Variants in BANK1 observed in about 807,000 individuals in gnomAD.
BANK1 encodes the protein B cell scaffold protein with ankyrin repeats 1, also known as B-cell scaffold protein with ankyrin repeats.
A neutral mutation model predicts 94.5 loss-of-function variants in BANK1; 95 were observed. That is an observed-to-expected ratio of 1.00 (90% CI 0.85 to 1.19). The LOEUF (loss-of-function observed/expected upper bound fraction) is 1.19. Ranked by LOEUF, BANK1 falls within the 50% of genes most tolerant of loss-of-function variation. The pLI, the probability that BANK1 is intolerant of heterozygous loss-of-function variation, is 0.00. For missense variants in BANK1, 987 were observed against 932.2 expected (o/e 1.06, Z -0.77); for synonymous variants, 334 against 308.4 (o/e 1.08, Z -0.87).
intron 5 of BANK1, among the ~76,000 whole-genome samples, chr4:101,881,103 A>G (rs192219575): frequency 9.3e-4 from 142 of 152,298 alleles, no homozygotes; most frequent in African/African-American, 3.3e-3. Context: ...GTTTCTGCAC[A>G]GCAAAGGAAA....
chr4:102,021,450 C>T (rs949366458), intron 7 of BANK1, 64 bp from the exon 8 acceptor site: 4 of 592,504 alleles, frequency 6.8e-6, no homozygotes, highest in Non-Finnish European at 1.1e-5. Context: ...TTCTTATTTG[C>T]ACAGGCATCC....
At chr4:101,980,912 A>G (rs1278707352) in intron 7 of BANK1, among the ~76,000 whole-genome samples, 1 of 152,060 alleles carries the variant, frequency 6.6e-6, no homozygotes, top group African/African-American at 2.4e-5. Flanking sequence ...CAAGGCTATT[A>G]ATTTAAGTGT....
chr4:101,794,260 C>T (rs1188572106), intron 1 of BANK1, among the ~76,000 whole-genome samples: 2 of 151,796 alleles, frequency 1.3e-5, no homozygotes, highest in African/African-American at 4.8e-5. Context: ...AAAAAATAAG[C>T]ATCAAACAGA....
At chr4:101,993,256 A>C (rs1435881503) in intron 7 of BANK1, among the ~76,000 whole-genome samples, 3 of 152,184 alleles carry the variant, frequency 2.0e-5, no homozygotes, top group Middle Eastern at 3.2e-3. Context: ...GAGGCCTAAA[A>C]CAGCTGGAAA....
intron 2 of BANK1, among the ~76,000 whole-genome samples, chr4:101,841,484 A>C (rs1727041582): frequency 6.6e-6 from 1 of 152,174 alleles, no homozygotes; most frequent in Admixed American, 6.5e-5. Context: ...TATGGCCCAG[A>C]GATGATATAT....
rs753194099 is a variant in BANK1, at chr4:101,790,930, C to A, written c.50C>A (p.Pro17His). 7.8e-6 allele frequency: 12 copies of A among 1,530,478 alleles called. No homozygotes were observed. The South Asian group carries it at 1.4e-4, about 18-fold the overall frequency. 94.8% of individuals were successfully genotyped at this position (1,530,478 alleles called of 1,614,324 possible). A position where few individuals can be genotyped will look rare whatever the true frequency, so the allele number is the denominator to read the frequency against. The change falls in exon 1 of 17, where the codon CCC (proline) becomes CAC (histidine). Residue 17 changes from proline (P) to histidine (H), a missense_variant. Coordinates refer to ENST00000322953, the MANE Select transcript of BANK1 (RefSeq NM_017935.5). ...GKGLGSPDPA[P>H]CGPAPPGNTK... is the part of the protein sequence containing the mutation. The stretch of plus-strand genomic sequence containing the variant: ...GGGCTTGGGAGCCCGGACCCCGCCC[C>A]CTGCGGCCCAGCGCCCCCAGGTGGG...
At chr4:101,880,318 A>T (rs76694571) in intron 5 of BANK1, among the ~76,000 whole-genome samples, 288 of 152,134 alleles carry the variant, frequency 1.9e-3, no homozygotes, top group African/African-American at 6.3e-3. Context: ...ACAAGAAATA[A>T]AAAAAAGTCC....
chr4:101,827,939 CATAAG>C (rs1214499554), intron 1 of BANK1, among the ~76,000 whole-genome samples: 6 of 151,824 alleles, frequency 4.0e-5, no homozygotes, highest in Admixed American at 3.9e-4. Context: ...TCCTATAAAA[CATAAG>C]ATAAGTATTT....
At chr4:101,923,312 A>C (rs1044999071) in intron 7 of BANK1, among the ~76,000 whole-genome samples, 4 of 151,784 alleles carry the variant, frequency 2.6e-5, no homozygotes, top group African/African-American at 9.7e-5. Flanking sequence ...ATATATGTAC[A>C]TGCTTTACAT....
chr4:101,922,971 T>C (rs1440450529), intron 7 of BANK1, among the ~76,000 whole-genome samples: 1 of 151,842 alleles, frequency 6.6e-6, no homozygotes, highest in African/African-American at 2.4e-5. Context: ...TTAAATCTTT[T>C]TGCTTTATTG....
intron 7 of BANK1, among the ~76,000 whole-genome samples, chr4:101,968,562 C>T (rs1431085511): frequency 3.3e-5 from 5 of 151,652 alleles, no homozygotes; most frequent in Admixed American, 2.0e-4. Context: ...AACAATGCCC[C>T]GTTGGTTGCA....
chr4:101,822,126 G>A (rs1428699211), intron 1 of BANK1, among the ~76,000 whole-genome samples: 1 of 152,080 alleles, frequency 6.6e-6, no homozygotes, highest in African/African-American at 2.4e-5. Context: ...AGGCCTAGGT[G>A]GGTGGATCAC....
intron 7 of BANK1, among the ~76,000 whole-genome samples, chr4:102,008,296 T>TTGC (rs1726370915): frequency 1.3e-5 from 2 of 152,212 alleles, no homozygotes; most frequent in South Asian, 4.1e-4. Flanking sequence ...AGTGCCTGCC[T>TTGC]TGCTGGATTC....
At chr4:102,028,050 T>C (rs1235020101) in intron 9 of BANK1, among the ~76,000 whole-genome samples, 1 of 152,214 alleles carries the variant, frequency 6.6e-6, no homozygotes, top group Non-Finnish European at 1.5e-5. Flanking sequence ...GTCCCACTCT[T>C]AACTGAAAAG....
chr4:102,027,018 A>G (rs1016009915), intron 9 of BANK1, among the ~76,000 whole-genome samples: 1 of 152,106 alleles, frequency 6.6e-6, no homozygotes, highest in Non-Finnish European at 1.5e-5. Context: ...TTTATTACCT[A>G]CTATATTTGA....
At chr4:101,889,929 A>G (rs945579887) in intron 5 of BANK1, among the ~76,000 whole-genome samples, 8 of 152,172 alleles carry the variant, frequency 5.3e-5, no homozygotes, top group African/African-American at 1.9e-4. Flanking sequence ...CCCACAGATT[A>G]CTTAGTAGCA....
chr4:101,947,658 G>T (rs989083054), intron 7 of BANK1, among the ~76,000 whole-genome samples: 2 of 151,674 alleles, frequency 1.3e-5, no homozygotes, highest in African/African-American at 4.8e-5. Flanking sequence ...TAATCCATAA[G>T]ATTAAATTAT....
At chr4:101,961,468 A>G (rs1324870486) in intron 7 of BANK1, among the ~76,000 whole-genome samples, 1 of 152,200 alleles carries the variant, frequency 6.6e-6, no homozygotes, top group Non-Finnish European at 1.5e-5. Context: ...TTCTCTGATG[A>G]GTGAAATCAT....
intron 5 of BANK1, among the ~76,000 whole-genome samples, chr4:101,892,101 T>C (rs1329070119): frequency 3.3e-5 from 5 of 151,680 alleles, no homozygotes. Flanking sequence ...ATTTTATTTG[T>C]ATTTAGGGAG....
Sources: allele counts gnomAD v4.1 joint callset (sites outside exome capture counted in the v4.1 genomes callset), GRCh38; gene constraint gnomAD v4.1.1; transcripts MANE v1.5; gene names NCBI Gene and HGNC (gene_info 2026-07-23, HGNC 2026-07-21).